Variants in SCN3B observed in about 807,000 individuals in gnomAD.
SCN3B encodes sodium channel regulatory subunit beta-3.
A neutral mutation model predicts 25.4 loss-of-function variants in SCN3B; 11 were observed. That is an observed-to-expected ratio of 0.43 (90% CI 0.27 to 0.72). The LOEUF (loss-of-function observed/expected upper bound fraction) is 0.72. Ranked by LOEUF, SCN3B falls within the 30% of genes least tolerant of loss-of-function variation. The probability of loss-of-function intolerance (pLI) is 0.18; values close to 1 mark genes in which losing one functional copy is unlikely to be tolerated. For synonymous variants in SCN3B, 109 were observed against 110.7 expected (o/e 0.99, Z 0.09); for missense variants, 218 against 278.3 (o/e 0.78, Z 1.54).
intron 3 of SCN3B, among the ~76,000 whole-genome samples, chr11:123,644,900 C>T (rs1281166416): frequency 1.3e-5 from 2 of 149,652 alleles, no homozygotes; most frequent in Non-Finnish European, 3.0e-5. Context: ...CATATACAAC[C>T]ACTTTGCCAC....
intron 2 of SCN3B, among the ~76,000 whole-genome samples, chr11:123,649,598 T>C (rs1955896402): frequency 6.6e-6 from 1 of 152,110 alleles, no homozygotes; most frequent in Admixed American, 6.5e-5. Context: ...CTTTCTTTCT[T>C]TCTCCTTTCT....
chr11:123,654,090 T>C (rs1955964488), intron 1 of SCN3B, 136 bp downstream of exon 1: 1 of 528,830 alleles, frequency 1.9e-6, no homozygotes, highest in South Asian at 2.1e-5. Flanking sequence ...GACAGTCGCC[T>C]CCCCGCCCAC....
chr11:123,649,676 CCT>C (rs60829903), intron 2 of SCN3B, among the ~76,000 whole-genome samples: 22,555 of 129,902 alleles, frequency 0.17, 1,782 homozygotes, highest in Admixed American at 0.25. Flanking sequence ...TTCTTTTTTT[CCT>C]CTCTCTCTCT....
Position 123,632,404 on chromosome 11 carries a change from T to G in SCN3B, c.*1395A>C, listed in dbSNP as rs1231435235. The G allele has an allele frequency of 6.6e-6, 1 of 152,224 alleles. No homozygotes were observed. The highest frequency in any genetic ancestry group is 1.5e-5 in the Non-Finnish European group (1 of 68,040). 9.4% of individuals were successfully genotyped at this position (152,224 alleles called of 1,614,324 possible). ...CCCTGCTTTTTTGGCCAATTTCTAG[T>G]CATCTGAATCTATCAGAGTTGACCT... On this transcript the variant is annotated 3_prime_UTR_variant, in exon 7 of 7. Coordinates refer to ENST00000299333, the MANE Select transcript of SCN3B (RefSeq NM_001040151.2).
At chr11:123,647,139 C>T (rs1955862716) in intron 2 of SCN3B, among the ~76,000 whole-genome samples, 1 of 152,016 alleles carries the variant, frequency 6.6e-6, no homozygotes, top group African/African-American at 2.4e-5. Flanking sequence ...ATGCAAATAA[C>T]TAAATGCTAA....
At chr11:123,636,523 G>A (rs1191152920) in intron 5 of SCN3B, among the ~76,000 whole-genome samples, 1 of 152,132 alleles carries the variant, frequency 6.6e-6, no homozygotes, top group African/African-American at 2.4e-5. Context: ...GATATTTGCT[G>A]TAGGGTCTCT....
chr11:123,653,904 C>T (rs1196414625), intron 1 of SCN3B, 78 bp from the exon 2 acceptor site: 25 of 1,348,062 alleles, frequency 1.9e-5, no homozygotes, highest in Middle Eastern at 4.1e-4. Flanking sequence ...ACGAACTGCC[C>T]CCAGGGGGCG....
chr11:123,636,272 C>T (rs1011726541), intron 5 of SCN3B, among the ~76,000 whole-genome samples: 9 of 152,144 alleles, frequency 5.9e-5, no homozygotes, highest in Admixed American at 5.2e-4. Flanking sequence ...TTTCTATCAA[C>T]AATTTTGTGG....
chr11:123,638,121 A>T (rs538440399), intron 5 of SCN3B, 65 bp downstream of exon 5: 260 of 1,592,426 alleles, frequency 1.6e-4, no homozygotes, highest in Non-Finnish European at 2.2e-4. Flanking sequence ...TTAGCACCTC[A>T]CCTGTGAGAG....
At chr11:123,643,992 G>A (rs898632027) in intron 3 of SCN3B, among the ~76,000 whole-genome samples, 7 of 152,222 alleles carry the variant, frequency 4.6e-5, no homozygotes, top group African/African-American at 1.7e-4. Context: ...AGGATAGTGA[G>A]AAAGAAGAGC....
intron 4 of SCN3B, chr11:123,640,942 G>GC (rs1955782669): frequency 6.6e-6 from 1 of 152,220 alleles, no homozygotes; most frequent in Non-Finnish European, 1.5e-5. Context: ...TAATAAACTT[G>GC]TTTTTCCTTC....
At chr11:123,647,828 G>A (rs1157205720) in intron 2 of SCN3B, among the ~76,000 whole-genome samples, 1 of 152,168 alleles carries the variant, frequency 6.6e-6, no homozygotes, top group Admixed American at 6.5e-5. Context: ...TTAACTTAAA[G>A]TTGTAAACAT....
intron 2 of SCN3B, among the ~76,000 whole-genome samples, chr11:123,651,152 A>T (rs1721672466): frequency 1.3e-5 from 2 of 151,660 alleles, no homozygotes; most frequent in Admixed American, 1.3e-4. Flanking sequence ...AAATCTCTTT[A>T]AAAAATAAAA....
At chr11:123,652,287 ATAT>A (rs1432283865) in intron 2 of SCN3B, among the ~76,000 whole-genome samples, 14 of 152,002 alleles carry the variant, frequency 9.2e-5, no homozygotes, top group Admixed American at 9.2e-4. Context: ...CATTGGCAAC[ATAT>A]TATAGCTGCT....
rs1477450173 is a variant in SCN3B at position 123,645,675 on chromosome 11, C to T, written c.131G>A (p.Arg44His). 16 of 1,614,142 alleles carry T rather than the reference C, an allele frequency of 9.9e-6. No homozygotes were observed. The highest frequency in any genetic ancestry group is 1.6e-4 in the Middle Eastern group (1 of 6,062). Residue 44 changes from arginine (R) to histidine (H), a missense_variant, in exon 3 of 7, where the codon CGC (arginine) becomes CAC (histidine). Physicochemically the swap from Arg to His is conservative, Grantham distance 29. Coordinates refer to ENST00000299333, the MANE Select transcript of SCN3B (RefSeq NM_001040151.2). ...CTCTCTCTTCATGCAGGAGATGCAG[C>T]GCAGCTTCATGGGGTTGCCCTGCAC... Reference protein sequence around the residue: ...EAVQGNPMKLRCISCMKREEV... With the variant: ...EAVQGNPMKLHCISCMKREEV...
Position 123,642,533 on chromosome 11 carries a change from A to G in SCN3B, c.358T>C (p.Cys120Arg). 6.2e-7 allele frequency: 1 copy of G among 1,614,170 alleles called. No individual in the cohort carries two copies. The highest frequency in any genetic ancestry group is 2.2e-5 in the East Asian group (1 of 44,874). The change falls in exon 4 of 7, where the codon TGC becomes CGC. Residue 120 changes from cysteine (C) to arginine (R), a missense_variant. Cys to Arg is a radical substitution (Grantham distance 180). Transcript: ENST00000299333. This position sits in a 1 kb window ranked among gnomAD's most constrained non-coding sequence, Gnocchi z 4.3. ...AACTCAAACTCCCGGGACACATTGC[A>G]GGTGTAGAGGCCAGAGTCGTTCAGA... Reference protein sequence around the residue: ...VTLNDSGLYTCNVSREFEFEA... With the variant: ...VTLNDSGLYTRNVSREFEFEA...
intron 4 of SCN3B, 107 bp from the exon 5 acceptor site, chr11:123,638,431 C>A: frequency 6.8e-7 from 1 of 1,463,674 alleles, no homozygotes; most frequent in Admixed American, 1.8e-5. Flanking sequence ...AGTAAAGAAA[C>A]TCAAGAAGAT....
rs1052781623 is a variant in SCN3B at position 123,630,570 on chromosome 11, G to T, written c.*3229C>A. ...GTCTGGGTCTTTCGTAGGATTATGG[G>T]AAGAGACAGGGAGGTGGGTGGAGAT... On this transcript the variant is annotated 3_prime_UTR_variant, in exon 7 of 7. Transcript: ENST00000299333. 6.6e-6 allele frequency: 1 copy of T among 152,638 alleles called. No individual in the cohort carries two copies. Among genetic ancestry groups the T allele is most frequent in the Non-Finnish European group, 1.5e-5 (1 of 68,054 alleles). The allele number at this position is 152,638 out of a possible 1,614,324, so 9.5% of individuals were successfully genotyped here.
chr11:123,640,384 G>T (rs1407019326), intron 4 of SCN3B: 6 of 152,284 alleles, frequency 3.9e-5, no homozygotes. Flanking sequence ...AACCCAACTT[G>T]AACAAAGAGA....
Sources: allele counts gnomAD v4.1 joint callset (sites outside exome capture counted in the v4.1 genomes callset), GRCh38; gene constraint gnomAD v4.1.1; non-coding constraint Gnocchi (gnomAD v3.1); transcripts MANE v1.5; gene names NCBI Gene and HGNC (gene_info 2026-07-23, HGNC 2026-07-21).